Variants in NEDD9 observed in about 807,000 individuals in gnomAD.
NEDD9 encodes the protein neural precursor cell expressed, developmentally down-regulated 9, also known as enhancer of filamentation 1.
Under a neutral mutation model 76.6 loss-of-function variants are expected in NEDD9, and 26 were observed. The observed-to-expected ratio is 0.34, with a 90% CI of 0.25 to 0.47. NEDD9 has a LOEUF of 0.47. Among genes scored for constraint, NEDD9 ranks in the 20% least tolerant of loss-of-function variants. The pLI, the probability that NEDD9 is intolerant of heterozygous loss-of-function variation, is 1.00. For missense variants in NEDD9, 937 were observed against 1,058.5 expected, an observed-to-expected ratio of 0.89 and a Z score of 1.59; for synonymous variants, 392 against 414.2, an observed-to-expected ratio of 0.95 and a Z score of 0.65.
upstream of NEDD9, chr6:11,232,669 G>C: frequency 6.6e-7 from 1 of 1,521,850 alleles, no homozygotes. Context: ...TCAAGTCTCT[G>C]AGCTCACTGT....
At chr6:11,222,694 C>G (rs201834340) in intron 1 of NEDD9, among the ~76,000 whole-genome samples, 46 of 152,236 alleles carry the variant, frequency 3.0e-4, no homozygotes, top group East Asian at 1.5e-3. Flanking sequence ...TTTAAAGTTG[C>G]CTTAGAGATG....
chr6:11,219,230 G>T (rs1257538292), intron 1 of NEDD9, among the ~76,000 whole-genome samples: 1 of 152,130 alleles, frequency 6.6e-6, no homozygotes, highest in African/African-American at 2.4e-5. Context: ...CTATCAAAAT[G>T]TCAAGAAAGC....
Position 11,190,326 on chromosome 6 carries a change from T to C in NEDD9, c.1543A>G (p.Ile515Val). 1 of 1,614,206 alleles carries C rather than the reference T, an allele frequency of 6.2e-7. No individual in the cohort carries two copies. Among genetic ancestry groups the C allele is most frequent in the Non-Finnish European group, 8.5e-7 (1 of 1,180,046 alleles). The change falls in exon 5 of 7, where the codon ATC becomes GTC. Residue 515 changes from isoleucine to valine, a missense_variant. Coordinates refer to ENST00000379446, the MANE Select transcript of NEDD9 (RefSeq NM_006403.4). This position sits in a 1 kb window ranked among gnomAD's most constrained non-coding sequence, Gnocchi z 5.8. ...TTCTGGGGCTTGTTGATGGCCAAGATATTCAGGGACCAGCTGCACTCATTT... is the reference window on the plus strand; with the variant it reads ...TTCTGGGGCTTGTTGATGGCCAAGACATTCAGGGACCAGCTGCACTCATTT... ...DLNECSWSLN[I>V]LAINKPQNKC...
Position 11,192,249 on chromosome 6 carries a change from C to T in NEDD9, c.663+96G>A, listed in dbSNP as rs1042301927. ...TTGGGTTTGCCTTTCTTGTTTTATT[C>T]GAGTGAACTACTTACCCACCCTCCC... On this transcript the variant is annotated intron_variant, in intron 4 of 6. Transcript: ENST00000379446. The T allele has an allele frequency of 2.0e-5, 14 of 685,962 alleles. No individual in the cohort carries two copies. In the African/African-American group the frequency reaches 2.3e-4, roughly 11 times the overall value. The allele number at this position is 685,962 out of a possible 1,614,324, so 42.5% of individuals were successfully genotyped here.
In NEDD9 at chr6:11,232,430, C is replaced by T. The variant is rs1283253252; in HGVS notation, c.12+74G>A. ...CACACAAGGGACTGACAGTAAGGAA[C>T]ACGCATACACAAGCACACACCCGCA... On this transcript the variant is annotated intron_variant, in intron 1 of 6. Coordinates refer to ENST00000379446, the MANE Select transcript of NEDD9 (RefSeq NM_006403.4). 5 of 1,566,802 alleles carry T rather than the reference C, an allele frequency of 3.2e-6. No individual in the cohort carries two copies. In the African/African-American group the frequency reaches 5.4e-5, roughly 17 times the overall value.
chr6:11,303,713 G>A (rs1157686299), intron 3 of NEDD9, among the ~76,000 whole-genome samples: 1 of 152,064 alleles, frequency 6.6e-6, no homozygotes, highest in Non-Finnish European at 1.5e-5. Flanking sequence ...ATATTGAAAG[G>A]GTTCCCTATC....
intron 3 of NEDD9, among the ~76,000 whole-genome samples, chr6:11,243,634 T>C (rs1759751676): frequency 6.6e-6 from 1 of 152,200 alleles, no homozygotes; most frequent in Non-Finnish European, 1.5e-5. Flanking sequence ...ACTCCTTCGG[T>C]TTCCAAAGCA....
chr6:11,204,283 A>C (rs4713247), intron 2 of NEDD9, among the ~76,000 whole-genome samples: 138,153 of 152,282 alleles, frequency 0.91, 62,695 homozygotes, highest in East Asian at 1. Context: ...TACTACTTTT[A>C]TAATTTCACA....
chr6:11,229,201 G>A (rs933378275), intron 1 of NEDD9, among the ~76,000 whole-genome samples: 1 of 152,192 alleles, frequency 6.6e-6, no homozygotes, highest in Admixed American at 6.5e-5. Flanking sequence ...TGTAAGTTCC[G>A]TCTGTAATTT....
chr6:11,359,590 C>G (rs1250240991), intron 1 of NEDD9, among the ~76,000 whole-genome samples: 1 of 152,254 alleles, frequency 6.6e-6, no homozygotes, highest in Non-Finnish European at 1.5e-5. Context: ...CCACATTCTT[C>G]TAGACATCTT....
At position 11,229,069 on chromosome 6, in the gene NEDD9, C is replaced by T. The variant is rs150864536; in HGVS notation, c.12+3435G>A. On this transcript the variant is annotated intron_variant, in intron 1 of 6. Transcript: ENST00000379446. ...TTCCTCGGTCTTGCTTGAGGAAATACGAATACTTTCAAAGTCCTTTCCAAA... is the reference window on the plus strand; with the variant it reads ...TTCCTCGGTCTTGCTTGAGGAAATATGAATACTTTCAAAGTCCTTTCCAAA... Among the ~76,000 whole-genome samples the T allele has an allele frequency of 7.9e-5, 12 of 152,304 alleles. No individual in the cohort carries two copies. The East Asian group carries it at 2.3e-3, about 29-fold the overall frequency.
intron 2 of NEDD9, among the ~76,000 whole-genome samples, chr6:11,329,436 G>A (rs1582032937): frequency 2.0e-5 from 3 of 152,282 alleles, no homozygotes; most frequent in African/African-American, 7.2e-5. Context: ...GCCTTCCTTT[G>A]GGGTTATAGG....
At chr6:11,274,069 C>G (rs1760367971) in intron 3 of NEDD9, among the ~76,000 whole-genome samples, 1 of 152,064 alleles carries the variant, frequency 6.6e-6, no homozygotes, top group African/African-American at 2.4e-5. Flanking sequence ...AGACCAAATC[C>G]TTTTTCCACT....
Position 11,185,239 on chromosome 6 carries a change from T to C in NEDD9, c.2428A>G (p.Met810Val). 6.2e-7 allele frequency: 1 copy of C among 1,614,160 alleles called. No homozygotes were observed. The highest frequency in any genetic ancestry group is 8.5e-7 in the Non-Finnish European group (1 of 1,180,030). Reference sequence around the variant, plus strand: ...GAAAGGTCTGTCACTTGGTGCACCATTTCCTGCAGGGCCGTGGTGCTGGGG... The same window carrying C: ...GAAAGGTCTGTCACTTGGTGCACCACTTCCTGCAGGGCCGTGGTGCTGGGG... Reference protein sequence around the residue: ...HYPSTTALQEMVHQVTDLSRN... With the variant: ...HYPSTTALQEVVHQVTDLSRN... The change falls in exon 7 of 7, where the codon ATG (methionine) becomes GTG (valine). Residue 810 changes from methionine to valine, a missense_variant. By Grantham distance (21) the Met-to-Val change is conservative. Transcript: ENST00000379446.
intron 1 of NEDD9, among the ~76,000 whole-genome samples, chr6:11,228,213 C>A (rs1158638230): frequency 6.6e-6 from 1 of 151,960 alleles, no homozygotes; most frequent in African/African-American, 2.4e-5. Context: ...CCAATGAGGT[C>A]ATAAAAGCAC....
chr6:11,242,660 AC>A (rs2113292542), intron 3 of NEDD9, among the ~76,000 whole-genome samples: 1 of 149,668 alleles, frequency 6.7e-6, no homozygotes, highest in South Asian at 2.1e-4. Flanking sequence ...TCTCAAGCCC[AC>A]TCTGGGACTC....
chr6:11,256,284 G>A (rs759999844), intron 3 of NEDD9, among the ~76,000 whole-genome samples: 12 of 152,162 alleles, frequency 7.9e-5, no homozygotes, highest in East Asian at 1.9e-4. Context: ...TCTTCCCGGC[G>A]AGACCTTCTC....
intron 3 of NEDD9, among the ~76,000 whole-genome samples, chr6:11,261,211 C>T (rs539727152): frequency 5.9e-5 from 9 of 152,124 alleles, no homozygotes; most frequent in South Asian, 2.1e-4. Context: ...GCATCTTTTC[C>T]GATTATCAAG....
chr6:11,301,757 G>C (rs547438690), intron 3 of NEDD9, among the ~76,000 whole-genome samples: 33 of 152,302 alleles, frequency 2.2e-4, no homozygotes, highest in African/African-American at 7.9e-4. Flanking sequence ...ACATGCTCCT[G>C]AATGACTACT....
Sources: gnomAD v4.1 joint callset for allele counts (sites outside exome capture counted in the v4.1 genomes callset) on GRCh38, gnomAD v4.1.1 for gene constraint, Gnocchi (gnomAD v3.1) non-coding constraint, MANE v1.5 for transcripts, NCBI Gene and HGNC (gene_info 2026-07-23, HGNC 2026-07-21) for gene names.